Variants in SFMBT1 observed in about 807,000 individuals in gnomAD.
SFMBT1 encodes the protein scm-like with four MBT domains protein 1.
A neutral mutation model predicts 108.7 loss-of-function variants in SFMBT1; 32 were observed. The ratio of observed to expected loss-of-function variants is 0.29; its 90% CI spans 0.22 to 0.40. SFMBT1 has a LOEUF of 0.40. SFMBT1 is among the 10% of genes least tolerant of loss of function. The pLI, the probability that SFMBT1 is intolerant of heterozygous loss-of-function variation, is 1.00. For synonymous variants in SFMBT1, 348 were observed against 369.5 expected, an observed-to-expected ratio of 0.94 and a Z score of 0.67; for missense variants, 816 against 1,059.6, an observed-to-expected ratio of 0.77 and a Z score of 3.19.
chr3:52,960,753 G>A (rs1703933572), intron 2 of SFMBT1, among the ~76,000 whole-genome samples: 2 of 152,148 alleles, frequency 1.3e-5, no homozygotes, highest in African/African-American at 4.8e-5. Flanking sequence ...CCAAAAGGCA[G>A]AGGCAACCCA....
intron 16 of SFMBT1, among the ~76,000 whole-genome samples, chr3:52,911,954 C>A (rs928402659): frequency 2.0e-4 from 30 of 152,142 alleles, no homozygotes; most frequent in African/African-American, 7.2e-4. Flanking sequence ...CCCACCTCAG[C>A]CTCCCAGAGT....
chr3:52,993,967 T>C (rs2246556), intron 1 of SFMBT1, among the ~76,000 whole-genome samples: 103,323 of 149,462 alleles, frequency 0.69, 37,681 homozygotes, highest in South Asian at 0.86. Flanking sequence ...TCTTATAAAG[T>C]AGTAATTCAG....
chr3:52,934,901 C>G lies in SFMBT1; in HGVS notation c.365G>C (p.Gly122Ala). The G allele has an allele frequency of 6.2e-7, 1 of 1,611,248 alleles. No individual in the cohort carries two copies. The highest frequency in any genetic ancestry group is 8.5e-7 in the Non-Finnish European group (1 of 1,178,606). The change falls in exon 5 of 21, where the codon GGC becomes GCC. Residue 122 changes from glycine to alanine, a missense_variant and splice_region_variant. Gly to Ala is a moderately conservative substitution (Grantham distance 60, BLOSUM62 0). This residue lies in a region of SFMBT1 where 495 missense variants were observed against 607.4 expected (regional missense o/e 0.81). Coordinates refer to ENST00000394752, the MANE Select transcript of SFMBT1 (RefSeq NM_016329.4). ...CCAGTCAGATACTTTATCTCTGATG[C>G]CTAGATGAGGGAATAAATGACTGAT... The part of the protein sequence containing the change: ...QNKKTLEAPE[G>A]IRDKVSDWDE...
At chr3:52,908,397 C>A (rs941763754) in intron 17 of SFMBT1, among the ~76,000 whole-genome samples, 1 of 151,998 alleles carries the variant, frequency 6.6e-6, no homozygotes, top group Non-Finnish European at 1.5e-5. Flanking sequence ...TTCTACTAGG[C>A]ATAATGTTTT....
At chr3:53,045,749 C>G (rs1451626077) in intron 1 of SFMBT1, 67 bp downstream of exon 1, 1 of 149,472 alleles carries the variant, frequency 6.7e-6, no homozygotes, top group Non-Finnish European at 1.5e-5. Flanking sequence ...GTCCCCCGCC[C>G]CGGCGCCGCC....
At chr3:52,919,909 A>G (rs113316491) in intron 12 of SFMBT1, among the ~76,000 whole-genome samples, 17 of 152,198 alleles carry the variant, frequency 1.1e-4, no homozygotes, top group African/African-American at 4.1e-4. Flanking sequence ...CTTATCCACC[A>G]ATGTGCTGGT....
chr3:52,924,511 G>A (rs536749020), intron 10 of SFMBT1, among the ~76,000 whole-genome samples: 3 of 152,074 alleles, frequency 2.0e-5, no homozygotes, highest in African/African-American at 4.8e-5. Flanking sequence ...GCATGGTGGC[G>A]GGCGCCTATA....
chr3:52,968,871 G>A (rs1385530463), intron 2 of SFMBT1, among the ~76,000 whole-genome samples: 1 of 152,132 alleles, frequency 6.6e-6, no homozygotes, highest in South Asian at 2.1e-4. Context: ...ATGATTACAG[G>A]TATGAGCCAC....
At chr3:53,034,301 G>T (rs1163003087) in intron 1 of SFMBT1, among the ~76,000 whole-genome samples, 3 of 152,144 alleles carry the variant, frequency 2.0e-5, no homozygotes, top group African/African-American at 7.2e-5. Context: ...ACTGGCACGG[G>T]CATGGTAGCT....
intron 4 of SFMBT1, among the ~76,000 whole-genome samples, chr3:52,936,077 C>A (rs1702998262): frequency 1.3e-5 from 2 of 152,094 alleles, no homozygotes; most frequent in Admixed American, 6.5e-5. Flanking sequence ...ATAAGTTATA[C>A]CCTTCCCTCA....
chr3:52,955,016 C>G (rs1703733432), intron 2 of SFMBT1, among the ~76,000 whole-genome samples: 1 of 151,950 alleles, frequency 6.6e-6, no homozygotes, highest in East Asian at 1.9e-4. Flanking sequence ...GAACCAAGAG[C>G]AAACAAACCC....
At chr3:52,989,523 AGGTGTGGT>A (rs1705047841) in intron 1 of SFMBT1, among the ~76,000 whole-genome samples, 1 of 151,946 alleles carries the variant, frequency 6.6e-6, no homozygotes, top group Admixed American at 6.6e-5. Flanking sequence ...AAATAAGGCC[AGGTGTGGT>A]GGCTCACACC....
rs367727549 is a variant in SFMBT1, at chr3:52,945,136, T to TAAAAAAAAAAAAAAAAAACAAAAA, written c.124-1544_124-1543insTTTTTGTTTTTTTTTTTTTTTTTT. ...TGATTTCCAAATACCACCTTCCAAT[T>TAAAAAAAAAAAAAAAAAACAAAAA]AAAAAAAAAAAAAAACAAGGACTTC... On this transcript the variant is annotated intron_variant, in intron 3 of 20. Coordinates refer to ENST00000394752, the MANE Select transcript of SFMBT1 (RefSeq NM_016329.4). 4.3e-4 allele frequency among the ~76,000 whole-genome samples: 21 copies of TAAAAAAAAAAAAAAAAAACAAAAA among 48,524 alleles called. 2 individuals are homozygous for TAAAAAAAAAAAAAAAAAACAAAAA. The highest frequency in any genetic ancestry group is 9.0e-5 in the Non-Finnish European group (2 of 22,206). 31.8% of individuals were successfully genotyped at this position (48,524 alleles called of 152,430 possible). A position where few individuals can be genotyped will look rare whatever the true frequency, so the allele number is the denominator to read the frequency against.
rs1429749787 is a variant in SFMBT1 at position 52,999,093 on chromosome 3, C to A, written c.-130-29835G>T. The stretch of plus-strand genomic sequence containing the variant: ...GGACATGCTCTTCACCCAAGGCCTG[C>A]GCCGGCGTCTGCTGATCAAGGGCCC... On this transcript the variant is annotated intron_variant, in intron 1 of 20. Transcript: ENST00000394752. 3.3e-5 allele frequency among the ~76,000 whole-genome samples: 5 copies of A among 150,854 alleles called. 1 individual carries two copies. Among genetic ancestry groups the A allele is most frequent in the Non-Finnish European group, 5.9e-5 (4 of 67,260 alleles).
intron 2 of SFMBT1, among the ~76,000 whole-genome samples, chr3:52,955,278 T>C (rs1283351900): frequency 2.0e-5 from 3 of 151,990 alleles, no homozygotes; most frequent in Non-Finnish European, 2.9e-5. Flanking sequence ...CCAGGCATGG[T>C]GGCACATGCC....
chr3:52,965,208 A>T (rs564436674), intron 2 of SFMBT1, among the ~76,000 whole-genome samples: 34 of 124,354 alleles, frequency 2.7e-4, no homozygotes, highest in African/African-American at 9.2e-4. Context: ...CCAATTAATT[A>T]AAAAAAAACC....
chr3:53,031,577 A>C (rs1037502796), intron 1 of SFMBT1, among the ~76,000 whole-genome samples: 3 of 143,908 alleles, frequency 2.1e-5, no homozygotes, highest in African/African-American at 7.5e-5. Flanking sequence ...GAACATTCAG[A>C]ACTAAAACTA....
At chr3:52,985,040 A>G (rs1467164461) in intron 1 of SFMBT1, among the ~76,000 whole-genome samples, 2 of 152,178 alleles carry the variant, frequency 1.3e-5, no homozygotes, top group Admixed American at 1.3e-4. Flanking sequence ...TATAGGCTGG[A>G]ACGGTAGCTC....
intron 2 of SFMBT1, among the ~76,000 whole-genome samples, chr3:52,959,622 A>G (rs1703894980): frequency 6.6e-6 from 1 of 152,110 alleles, no homozygotes; most frequent in African/African-American, 2.4e-5. Flanking sequence ...TCTCTACTCA[A>G]ATGTTCGTCT....
Sources: allele counts gnomAD v4.1 joint callset (sites outside exome capture counted in the v4.1 genomes callset), GRCh38; gene constraint gnomAD v4.1.1; regional missense constraint gnomAD v4.1.1; transcripts MANE v1.5; gene names NCBI Gene and HGNC (gene_info 2026-07-23, HGNC 2026-07-21).